Variants in PLPPR1 observed in about 807,000 individuals in gnomAD.
PLPPR1 encodes phospholipid phosphatase-related protein type 1.
PLPPR1 carries 10 observed loss-of-function variants against 33.1 expected under a neutral mutation model. That is an observed-to-expected ratio of 0.30 (90% confidence interval 0.19 to 0.51). The LOEUF is 0.51. PLPPR1 is among the 20% of genes least tolerant of loss of function. The pLI is 0.97. For missense variants in PLPPR1, 304 were observed against 408.1 expected (o/e 0.74, Z 2.20); for synonymous variants, 151 against 151.0 (o/e 1.00, Z 0.00).
At chr9:101,251,809 A>G (rs745708046) in intron 2 of PLPPR1, among the ~76,000 whole-genome samples, 1 of 152,082 alleles carries the variant, frequency 6.6e-6, no homozygotes, top group Admixed American at 6.6e-5. Context: ...ATATAGAAGG[A>G]TGGTTGGTCA....
chr9:101,175,939 A>T (rs1471645078), intron 1 of PLPPR1, among the ~76,000 whole-genome samples: 1 of 152,214 alleles, frequency 6.6e-6, no homozygotes, highest in Non-Finnish European at 1.5e-5. Flanking sequence ...AAGAAGACTC[A>T]AGAGAGAGAA....
At chr9:101,078,523 G>T (rs1482270729) in intron 1 of PLPPR1, among the ~76,000 whole-genome samples, 1 of 151,744 alleles carries the variant, frequency 6.6e-6, no homozygotes, top group Non-Finnish European at 1.5e-5. Context: ...TTAAGGTTGG[G>T]ACCTATAAGT....
At chr9:101,057,530 T>C (rs1298563293) in intron 1 of PLPPR1, among the ~76,000 whole-genome samples, 2 of 151,686 alleles carry the variant, frequency 1.3e-5, no homozygotes, top group Non-Finnish European at 2.9e-5. Flanking sequence ...AAGGTGATGG[T>C]ATATTGTAAA....
intron 1 of PLPPR1, among the ~76,000 whole-genome samples, chr9:101,035,325 A>C (rs561110738): frequency 6.6e-6 from 1 of 152,270 alleles, no homozygotes; most frequent in African/African-American, 2.4e-5. Flanking sequence ...TTTGACTCAT[A>C]ACTCTGTGTC....
intron 4 of PLPPR1, among the ~76,000 whole-genome samples, chr9:101,286,452 G>C (rs951858299): frequency 2.6e-5 from 4 of 152,014 alleles, no homozygotes; most frequent in Admixed American, 1.3e-4. Flanking sequence ...CCCCCACATA[G>C]CAGTTATCTG....
chr9:101,108,380 G>C (rs1465378731), intron 1 of PLPPR1, among the ~76,000 whole-genome samples: 4 of 152,212 alleles, frequency 2.6e-5, no homozygotes, highest in Non-Finnish European at 4.4e-5. Flanking sequence ...ATAGAATCTG[G>C]TACCCAGTAG....
intron 2 of PLPPR1, among the ~76,000 whole-genome samples, chr9:101,191,987 A>C (rs1051614244): frequency 6.6e-6 from 1 of 152,180 alleles, no homozygotes; most frequent in Non-Finnish European, 1.5e-5. Context: ...GCTTGAACCT[A>C]GCAGGTGATT....
chr9:101,286,304 T>TA, intron 4 of PLPPR1, 68 bp downstream of exon 4: 1 of 1,411,774 alleles, frequency 7.1e-7, no homozygotes, highest in South Asian at 1.4e-5. Context: ...AAACACTTGG[T>TA]AAAATAAACT....
intron 1 of PLPPR1, among the ~76,000 whole-genome samples, chr9:101,169,829 A>T (rs1825913691): frequency 1.3e-5 from 2 of 152,044 alleles, no homozygotes. Flanking sequence ...GTTCTGGTTT[A>T]CATTTTTATG....
At chr9:101,160,807 T>C (rs1831763034) in intron 1 of PLPPR1, among the ~76,000 whole-genome samples, 1 of 152,186 alleles carries the variant, frequency 6.6e-6, no homozygotes, top group South Asian at 2.1e-4. Context: ...AGCCCTTAAC[T>C]TCCTTGTTCA....
chr9:101,153,461 G>A (rs538682530), intron 1 of PLPPR1, among the ~76,000 whole-genome samples: 2,483 of 152,238 alleles, frequency 0.016, 31 homozygotes, highest in Non-Finnish European at 0.028. Flanking sequence ...GGGCATCCCT[G>A]TCTTGTGCCA....
At chr9:101,140,335 C>G (rs1338101023) in intron 1 of PLPPR1, among the ~76,000 whole-genome samples, 1 of 152,134 alleles carries the variant, frequency 6.6e-6, no homozygotes, top group Non-Finnish European at 1.5e-5. Flanking sequence ...TTGTAGAGGT[C>G]TACTGTGTAC....
rs56998660 is a variant in PLPPR1, at chr9:101,062,149, G to GGTGTGTGTGTGT, written c.-46+33076_-46+33087dup. ...GCATTCACAGTTAATGACAAAATGT[G>GGTGTGTGTGTGT]GTGTGTGTGTGTGTGTGTGTGTGTG... On this transcript the variant is annotated intron_variant, in intron 1 of 7. Transcript: ENST00000374874. 6.3e-4 allele frequency among the ~76,000 whole-genome samples: 94 copies of GGTGTGTGTGTGT among 148,548 alleles called. No individual in the cohort carries two copies. In the Middle Eastern group the frequency reaches 0.014, roughly 22 times the overall value.
chr9:101,052,971 C>G (rs1359868478), intron 1 of PLPPR1, among the ~76,000 whole-genome samples: 1 of 152,126 alleles, frequency 6.6e-6, no homozygotes, highest in Non-Finnish European at 1.5e-5. Flanking sequence ...GAAATTGGCA[C>G]TTAAAGTCTT....
intron 1 of PLPPR1, among the ~76,000 whole-genome samples, chr9:101,078,424 C>T (rs1394348946): frequency 2.6e-5 from 4 of 152,020 alleles, no homozygotes; most frequent in Admixed American, 6.6e-5. Context: ...CCTTCCTGAT[C>T]TCCTTGAGAA....
At chr9:101,191,027 T>C (rs1826288825) in intron 2 of PLPPR1, among the ~76,000 whole-genome samples, 1 of 152,218 alleles carries the variant, frequency 6.6e-6, no homozygotes, top group Non-Finnish European at 1.5e-5. Context: ...CTTGTAGTCC[T>C]GGCCAGATCC....
At chr9:101,322,779 A>G (rs1471829958) in intron 7 of PLPPR1, among the ~76,000 whole-genome samples, 3 of 152,208 alleles carry the variant, frequency 2.0e-5, no homozygotes, top group Non-Finnish European at 4.4e-5. Context: ...TCTCTTATTA[A>G]TAAGCAAACA....
intron 1 of PLPPR1, among the ~76,000 whole-genome samples, chr9:101,052,049 T>G (rs544914865): frequency 6.6e-6 from 1 of 152,334 alleles, no homozygotes; most frequent in South Asian, 2.1e-4. Flanking sequence ...CTAGGTAAAC[T>G]TAGGCATAAT....
chr9:101,037,768 G>GA (rs1456088896), intron 1 of PLPPR1, among the ~76,000 whole-genome samples: 1 of 149,924 alleles, frequency 6.7e-6, no homozygotes, highest in South Asian at 2.1e-4. Context: ...GTATTAACTG[G>GA]AAAAAACATT....
Sources: allele counts gnomAD v4.1 joint callset (sites outside exome capture counted in the v4.1 genomes callset), GRCh38; gene constraint gnomAD v4.1.1; transcripts MANE v1.5; gene names NCBI Gene and HGNC (gene_info 2026-07-23, HGNC 2026-07-21).